Variants in MAPKAP1 observed in about 807,000 individuals in gnomAD.
The protein encoded by MAPKAP1 is target of rapamycin complex 2 subunit MAPKAP1.
A neutral mutation model predicts 65.7 loss-of-function variants in MAPKAP1; 20 were observed. The observed-to-expected ratio is 0.30, with a 90% CI of 0.21 to 0.44. The LOEUF (loss-of-function observed/expected upper bound fraction) is 0.44, where lower values mean the gene tolerates loss of function less well. Ranked by LOEUF, MAPKAP1 falls within the 20% of genes least tolerant of loss-of-function variation. The pLI, the probability that MAPKAP1 is intolerant of heterozygous loss-of-function variation, is 1.00. For synonymous variants in MAPKAP1, 222 were observed against 244.3 expected, an observed-to-expected ratio of 0.91 and a Z score of 0.85; for missense variants, 423 against 648.0, an observed-to-expected ratio of 0.65 and a Z score of 3.77.
At chr9:125,668,111 GAA>G (rs1418777639) in intron 3 of MAPKAP1, among the ~76,000 whole-genome samples, 1 of 152,234 alleles carries the variant, frequency 6.6e-6, no homozygotes, top group Non-Finnish European at 1.5e-5. Flanking sequence ...CAGTCATGAA[GAA>G]AATCATACCT....
chr9:125,525,857 C>T (rs750169538), intron 7 of MAPKAP1, among the ~76,000 whole-genome samples: 6 of 152,110 alleles, frequency 3.9e-5, no homozygotes, highest in Non-Finnish European at 8.8e-5. Context: ...GAGACTAAAG[C>T]AAGGAACTCA....
At chr9:125,596,050 G>A (rs1832116027) in intron 4 of MAPKAP1, 5 of 1,302,904 alleles carry the variant, frequency 3.8e-6, no homozygotes, top group Non-Finnish European at 5.5e-6. Context: ...GAACAGCGTG[G>A]AAAAACTGAA....
chr9:125,603,171 CATGTTAGG>C (rs1832351834), intron 4 of MAPKAP1, among the ~76,000 whole-genome samples: 1 of 152,028 alleles, frequency 6.6e-6, no homozygotes, highest in Non-Finnish European at 1.5e-5. Context: ...GGCACTCCAA[CATGTTAGG>C]ATTACAGGTG....
intron 8 of MAPKAP1, among the ~76,000 whole-genome samples, chr9:125,488,171 A>G (rs1429162202): frequency 6.6e-6 from 1 of 152,058 alleles, no homozygotes; most frequent in Non-Finnish European, 1.5e-5. Flanking sequence ...TCCCCCCGAT[A>G]CCTGGGGGAG....
intron 5 of MAPKAP1, among the ~76,000 whole-genome samples, chr9:125,563,856 G>A (rs190766417): frequency 1.1e-4 from 17 of 152,200 alleles, no homozygotes; most frequent in Admixed American, 1.1e-3. Flanking sequence ...GGGATTATAG[G>A]TGCCTGCCAC....
intron 10 of MAPKAP1, among the ~76,000 whole-genome samples, chr9:125,450,817 C>T (rs1173758989): frequency 1.3e-5 from 2 of 152,202 alleles, no homozygotes; most frequent in African/African-American, 4.8e-5. Context: ...TCTGTAGGTC[C>T]TAGTAGGAAA....
intron 6 of MAPKAP1, among the ~76,000 whole-genome samples, chr9:125,546,346 G>T (rs1263543644): frequency 6.6e-6 from 1 of 152,218 alleles, no homozygotes; most frequent in African/African-American, 2.4e-5. Flanking sequence ...TTTCCCTCCA[G>T]ACGAATGCCA....
chr9:125,678,306 T>G (rs1187278836), intron 1 of MAPKAP1, among the ~76,000 whole-genome samples: 1 of 151,778 alleles, frequency 6.6e-6, no homozygotes, highest in Non-Finnish European at 1.5e-5. Context: ...GTGCAGTGGC[T>G]ATCTCTGCTC....
chr9:125,515,794 A>AG (rs940137704), intron 7 of MAPKAP1, among the ~76,000 whole-genome samples: 12 of 152,208 alleles, frequency 7.9e-5, no homozygotes, highest in Non-Finnish European at 2.9e-5. Context: ...AAGCCCAGCA[A>AG]GGGGGCCGGC....
chr9:125,598,984 G>A (rs571646938), intron 4 of MAPKAP1, among the ~76,000 whole-genome samples: 10 of 149,848 alleles, frequency 6.7e-5, no homozygotes, highest in South Asian at 2.1e-4. Flanking sequence ...AGGTTACAGT[G>A]AGCCAGCACT....
chr9:125,593,098 C>A (rs545463417), intron 4 of MAPKAP1, among the ~76,000 whole-genome samples: 2 of 151,792 alleles, frequency 1.3e-5, no homozygotes, highest in African/African-American at 4.8e-5. Flanking sequence ...GGAGTCCAGA[C>A]CAGCCTGGCC....
chr9:125,483,903 A>G (rs962048265), intron 9 of MAPKAP1, among the ~76,000 whole-genome samples: 3 of 152,232 alleles, frequency 2.0e-5, no homozygotes, highest in African/African-American at 7.2e-5. Context: ...TGATGTATTA[A>G]TAGTATGTTG....
intron 1 of MAPKAP1, among the ~76,000 whole-genome samples, chr9:125,698,295 ATATATAT>A (rs1835470055): frequency 1.5e-4 from 1 of 6,582 alleles, no homozygotes; most frequent in African/African-American, 6.1e-4. Flanking sequence ...ATAAATATAT[ATATATAT>A]ATATATATAT....
chr9:125,532,098 C>A (rs566271387), intron 7 of MAPKAP1, among the ~76,000 whole-genome samples: 2 of 151,642 alleles, frequency 1.3e-5, no homozygotes, highest in Non-Finnish European at 2.9e-5. Context: ...CTGTGGTGTA[C>A]GGAAAAAAAA....
chr9:125,534,178 AC>A (rs1291960636), intron 7 of MAPKAP1, among the ~76,000 whole-genome samples: 2 of 152,202 alleles, frequency 1.3e-5, no homozygotes, highest in African/African-American at 4.8e-5. Flanking sequence ...AATAACAAAA[AC>A]AAAAAACAGG....
chr9:125,450,816 C>A (rs1852918447), intron 10 of MAPKAP1, among the ~76,000 whole-genome samples: 1 of 152,196 alleles, frequency 6.6e-6, no homozygotes, highest in Non-Finnish European at 1.5e-5. Flanking sequence ...TTCTGTAGGT[C>A]CTAGTAGGAA....
chr9:125,625,905 G>A (rs1045267274), intron 4 of MAPKAP1, among the ~76,000 whole-genome samples: 5 of 152,152 alleles, frequency 3.3e-5, no homozygotes, highest in Admixed American at 1.3e-4. Context: ...TCCTTCTTCT[G>A]TCTGAAAAAT....
chr9:125,676,476 T>C lies in MAPKAP1; in HGVS notation c.-69-3833A>G, dbSNP rs560476399. ...CAGGAAATTCTGACACATTACAACA[T>C]TGATGAGCCCTGAGAACATTACGCT... On this transcript the variant is annotated intron_variant, in intron 1 of 11. Coordinates refer to ENST00000265960, the MANE Select transcript of MAPKAP1 (RefSeq NM_001006617.3). Among the ~76,000 whole-genome samples the C allele has an allele frequency of 5.3e-5, 8 of 152,312 alleles. No individual in the cohort carries two copies. In the Middle Eastern group the frequency reaches 0.01, roughly 194 times the overall value.
At chr9:125,558,032 T>G (rs552128376) in intron 6 of MAPKAP1, among the ~76,000 whole-genome samples, 1 of 152,274 alleles carries the variant, frequency 6.6e-6, no homozygotes, top group South Asian at 2.1e-4. Context: ...AATTTTTGTA[T>G]TTTTAGTAGA....
Sources: gnomAD v4.1 joint callset for allele counts (sites outside exome capture counted in the v4.1 genomes callset) on GRCh38, gnomAD v4.1.1 for gene constraint, MANE v1.5 for transcripts, NCBI Gene and HGNC (gene_info 2026-07-23, HGNC 2026-07-21) for gene names.